Variants in DMD observed in about 807,000 individuals in gnomAD.
DMD encodes the protein dystrophin, also known as mutant dystrophin.
In DMD, 63 loss-of-function variants were observed where a neutral mutation model predicts 330.1. That is an observed-to-expected ratio of 0.19 (90% CI 0.16 to 0.24). The LOEUF is 0.24. Ranked by LOEUF, DMD falls within the 10% of genes least tolerant of loss-of-function variation. The pLI, the probability that DMD is intolerant of heterozygous loss-of-function variation, is 1.00. For missense variants in DMD, 3,344 were observed against 2,684.1 expected (o/e 1.25, Z -5.43); for synonymous variants, 1,223 against 959.8 (o/e 1.27, Z -5.07).
intron 44 of DMD, among the ~76,000 whole-genome samples, chrX:32,114,580 T>C (rs1245894448): frequency 3.6e-5 from 4 of 111,607 alleles, no homozygotes; most frequent in African/African-American, 6.5e-5. Context: ...TCTCCCTCTA[T>C]AATGACAAGC....
chrX:32,202,211 T>C (rs2147733931), intron 44 of DMD, among the ~76,000 whole-genome samples: 1 of 112,015 alleles, frequency 8.9e-6, no homozygotes, highest in African/African-American at 3.2e-5. Flanking sequence ...TATCTGATTT[T>C]GAGAGAGCTG....
At chrX:31,477,911 T>A (rs1299237830) in intron 59 of DMD, among the ~76,000 whole-genome samples, 195 bp downstream of exon 59, 2 of 111,858 alleles carry the variant, frequency 1.8e-5, no homozygotes, top group Non-Finnish European at 3.8e-5. Context: ...TCATTTCATA[T>A]AACTGAAGAC....
At position 31,182,896 on chromosome X, in the gene DMD, A is replaced by C; in HGVS notation, c.9816T>G (p.Asn3272Lys). ...SVRSCFQFAN[N>K]KPEIEAALFL... ...AGAGGGCCGCTTCGATCTCTGGCTT[A>C]TTATTAGCCTGCAAAGACAGGAGGG... The change falls in exon 68 of 79, where the codon AAT becomes AAG. Residue 3272 changes from asparagine (N) to lysine (K), a missense_variant. By Grantham distance (94) the Asn-to-Lys change is moderately conservative. Coordinates refer to ENST00000357033, the MANE Select transcript of DMD (RefSeq NM_004006.3). The C allele has an allele frequency of 8.3e-7, 1 of 1,208,350 alleles. No individual in the cohort carries two copies. The highest frequency in any genetic ancestry group is 1.8e-5 in the South Asian group (1 of 56,599).
At position 31,465,025 on chromosome X, in the gene DMD, C is replaced by G. The variant is rs181909031; in HGVS notation, c.8937+13081G>C. Among the ~76,000 whole-genome samples, 52 of 111,907 alleles carry G rather than the reference C, an allele frequency of 4.6e-4. 1 individual carries two copies. The highest frequency in any genetic ancestry group is 1.6e-3 in the African/African-American group (48 of 30,760). On this transcript the variant is annotated intron_variant, in intron 59 of 78. Coordinates refer to ENST00000357033, the MANE Select transcript of DMD (RefSeq NM_004006.3). ...GCTTTTAAAACACACACAGCGCTAT[C>G]TAAAATCAGATGCTTTGGGGAAAGA...
chrX:32,031,023 T>C (rs974976238), intron 44 of DMD, among the ~76,000 whole-genome samples: 7 of 111,419 alleles, frequency 6.3e-5, no homozygotes, highest in Non-Finnish European at 1.1e-4. Context: ...ACAGTGAGGA[T>C]GCTATTAGTT....
intron 44 of DMD, among the ~76,000 whole-genome samples, chrX:32,042,595 AT>A (rs1166994911): frequency 1.8e-5 from 2 of 111,821 alleles, no homozygotes; most frequent in Admixed American, 9.5e-5. Flanking sequence ...AACCATATCA[AT>A]GTGTGTGTAT....
chrX:31,628,915 C>CATATATATAT (rs10524146), intron 54 of DMD, among the ~76,000 whole-genome samples: 1,875 of 82,629 alleles, frequency 0.023, 56 homozygotes, highest in African/African-American at 0.053. Context: ...TATTTTTGAT[C>CATATATATAT]ATATATATAT....
chrX:32,468,653 C>T lies in DMD; in HGVS notation c.3007G>A (p.Val1003Met), dbSNP rs746416489. The change falls in exon 23 of 79, where the codon GTG becomes ATG. Residue 1003 changes from valine to methionine, a missense_variant. By Grantham distance (21) the Val-to-Met change is conservative. Coordinates refer to ENST00000357033, the MANE Select transcript of DMD (RefSeq NM_004006.3). ...QSGLYYLSTT[V>M]KEMSKKAPSE... The stretch of plus-strand genomic sequence containing the variant: ...GGCGCTTTCTTCGACATCTCTTTCA[C>T]AGTGGTGCTGAGATAGTATAGGCCA... The T allele has an allele frequency of 8.3e-7, 1 of 1,211,397 alleles. No individual in the cohort carries two copies. Among genetic ancestry groups the T allele is most frequent in the Non-Finnish European group, 1.1e-6 (1 of 895,395 alleles).
intron 1 of DMD, among the ~76,000 whole-genome samples, chrX:33,223,271 A>C (rs1482032489): frequency 1.8e-5 from 2 of 112,066 alleles, no homozygotes; most frequent in African/African-American, 6.5e-5. Flanking sequence ...AGATCATGCC[A>C]TTGCACTCCA....
chrX:31,207,829 C>T (rs765138199), intron 65 of DMD, among the ~76,000 whole-genome samples: 1 of 110,592 alleles, frequency 9.0e-6, no homozygotes, highest in South Asian at 4.0e-4. Context: ...CAGACCTTGG[C>T]GATGACCTTG....
At chrX:32,586,192 G>A (rs768363690) in intron 13 of DMD, among the ~76,000 whole-genome samples, 8 of 110,668 alleles carry the variant, frequency 7.2e-5, no homozygotes, top group Non-Finnish European at 1.3e-4. Context: ...AGTTCCTCAA[G>A]CATACCAGTC....
chrX:32,283,998 A>G (rs888750523), intron 43 of DMD, among the ~76,000 whole-genome samples: 7 of 111,443 alleles, frequency 6.3e-5, no homozygotes, highest in African/African-American at 1.6e-4. Context: ...GTCCAGTGCA[A>G]TGGTGCTCCT....
At position 32,345,896 on chromosome X, in the gene DMD, T is replaced by C. The variant is rs1455943863; in HGVS notation, c.5586+47A>G. 9 of 1,162,536 alleles carry C rather than the reference T, an allele frequency of 7.7e-6. No individual in the cohort carries two copies. The South Asian group carries it at 1.6e-4, about 21-fold the overall frequency. On this transcript the variant is annotated intron_variant, in intron 39 of 78. Coordinates refer to ENST00000357033, the MANE Select transcript of DMD (RefSeq NM_004006.3). ...GCACATTATATTTTACCCTATATAT[T>C]AAAAAAAAACCACAGGCAAGGTATA...
intron 60 of DMD, among the ~76,000 whole-genome samples, chrX:31,373,387 G>A (rs1166236407): frequency 1.0e-5 from 1 of 96,435 alleles, no homozygotes; most frequent in African/African-American, 3.6e-5. Context: ...AAAGAACAAA[G>A]CTGGAGGCAT....
At chrX:32,211,508 C>T (rs1196256545) in intron 44 of DMD, among the ~76,000 whole-genome samples, 1 of 111,725 alleles carries the variant, frequency 9.0e-6, no homozygotes, top group Non-Finnish European at 1.9e-5. Flanking sequence ...ACTAACATTG[C>T]AAAAGATACC....
At chrX:31,506,899 T>C (rs1459297450) in intron 56 of DMD, among the ~76,000 whole-genome samples, 1 of 112,311 alleles carries the variant, frequency 8.9e-6, no homozygotes, top group Non-Finnish European at 1.9e-5. Context: ...TCCTCTGGTA[T>C]GCATTTAGAC....
intron 9 of DMD, among the ~76,000 whole-genome samples, chrX:32,679,777 C>A (rs181565175): frequency 9.2e-6 from 1 of 108,979 alleles, no homozygotes; most frequent in Admixed American, 9.9e-5. Flanking sequence ...AAAAAGACCA[C>A]GTCAATCAAT....
chrX:32,637,457 C>G (rs1352136996), intron 11 of DMD, among the ~76,000 whole-genome samples: 4 of 111,798 alleles, frequency 3.6e-5, no homozygotes, highest in Non-Finnish European at 3.8e-5. Context: ...TTGAATTGTT[C>G]CAACCCCTGG....
chrX:31,841,994 G>T, intron 48 of DMD, among the ~76,000 whole-genome samples: 1 of 109,750 alleles, frequency 9.1e-6, no homozygotes, highest in Middle Eastern at 4.7e-3. Context: ...AGCTGCCCTA[G>T]GTAGCGATTC....
Sources: gnomAD v4.1 joint callset for allele counts (sites outside exome capture counted in the v4.1 genomes callset) on GRCh38, gnomAD v4.1.1 for gene constraint, MANE v1.5 for transcripts, NCBI Gene and HGNC (gene_info 2026-07-23, HGNC 2026-07-21) for gene names.